Variants in PDE10A observed in about 807,000 individuals in gnomAD.
PDE10A encodes cAMP and cAMP-inhibited cGMP 3',5'-cyclic phosphodiesterase 10A.
In PDE10A, 39 loss-of-function variants were observed where a neutral mutation model predicts 97.7. That is an observed-to-expected ratio of 0.40 (90% CI 0.31 to 0.52). The LOEUF is 0.52. Among genes scored for constraint, PDE10A ranks in the 20% least tolerant of loss-of-function variants. The probability of loss-of-function intolerance (pLI) is 0.56; values close to 1 mark genes in which losing one functional copy is unlikely to be tolerated. For missense variants in PDE10A, 731 were observed against 1,047.8 expected, an observed-to-expected ratio of 0.70 and a Z score of 4.17; for synonymous variants, 371 against 376.8, an observed-to-expected ratio of 0.98 and a Z score of 0.18.
At chr6:165,886,008 A>G (rs1000209709) in intron 1 of PDE10A, among the ~76,000 whole-genome samples, 1 of 152,242 alleles carries the variant, frequency 6.6e-6, no homozygotes, top group Non-Finnish European at 1.5e-5. Flanking sequence ...AATATTGTCT[A>G]TCATAAGTTG....
chr6:165,541,564 C>T (rs1783439854), intron 2 of PDE10A, among the ~76,000 whole-genome samples: 1 of 152,136 alleles, frequency 6.6e-6, no homozygotes, highest in South Asian at 2.1e-4. Context: ...CCCACAAAGA[C>T]CATATATTCT....
At chr6:165,657,251 G>T (rs1465778481) in intron 1 of PDE10A, among the ~76,000 whole-genome samples, 6 of 152,212 alleles carry the variant, frequency 3.9e-5, no homozygotes, top group African/African-American at 1.4e-4. Flanking sequence ...AAGAACACAA[G>T]AGTACTGGAT....
At chr6:165,840,477 T>C (rs1304630322) in intron 1 of PDE10A, among the ~76,000 whole-genome samples, 1 of 152,178 alleles carries the variant, frequency 6.6e-6, no homozygotes, top group African/African-American at 2.4e-5. Flanking sequence ...GTCATTACCA[T>C]ATAAGAAAAA....
At chr6:165,351,497 T>A (rs971330580) in intron 18 of PDE10A, among the ~76,000 whole-genome samples, 1 of 152,216 alleles carries the variant, frequency 6.6e-6, no homozygotes, top group Non-Finnish European at 1.5e-5. Flanking sequence ...GACCACATGA[T>A]ACAACCTATA....
chr6:165,642,300 G>C (rs1366324346), intron 1 of PDE10A, among the ~76,000 whole-genome samples: 3 of 152,172 alleles, frequency 2.0e-5, no homozygotes, highest in African/African-American at 7.2e-5. Context: ...TATGTGTCTA[G>C]CATGATACGT....
intron 3 of PDE10A, among the ~76,000 whole-genome samples, chr6:165,463,837 C>T (rs906533089): frequency 1.3e-5 from 2 of 152,218 alleles, no homozygotes; most frequent in African/African-American, 4.8e-5. Context: ...GGGCGGAAAA[C>T]CACTTAAAGG....
In PDE10A at chr6:165,513,803, G is replaced by A. The variant is rs569028647; in HGVS notation, c.994+29637C>T. Among the ~76,000 whole-genome samples the A allele has an allele frequency of 3.9e-5, 6 of 151,982 alleles. No individual in the cohort carries two copies. In the East Asian group the frequency reaches 1.2e-3, roughly 29 times the overall value. On this transcript the variant is annotated intron_variant, in intron 2 of 21. Transcript: ENST00000539869. ...TGTGAATTTTAATTTCTTTCAGATT[G>A]TTCATTTTTATGTAGAAATACTACT...
At chr6:165,838,680 C>T (rs1780132367) in intron 1 of PDE10A, among the ~76,000 whole-genome samples, 1 of 152,184 alleles carries the variant, frequency 6.6e-6, no homozygotes. Context: ...TTTAGAAGAC[C>T]TGAGCTCTAA....
chr6:165,963,919 C>T (rs1033333240), intron 1 of PDE10A, among the ~76,000 whole-genome samples: 5 of 152,154 alleles, frequency 3.3e-5, no homozygotes, highest in African/African-American at 7.2e-5. Flanking sequence ...TGCACCTTAT[C>T]GAGGTTTGAA....
Position 165,707,707 on chromosome 6 carries a change from CTG to C in PDE10A, c.-614-164141_-614-164140del, listed in dbSNP as rs35671352. ...TGAGCATGTGTGTGAGTGTGTGAGACTGTGCGTGTGTGTATGAGTGTATGTGT... is the reference window on the plus strand; with the variant it reads ...TGAGCATGTGTGTGAGTGTGTGAGACTGCGTGTGTGTATGAGTGTATGTGT... On this transcript the variant is annotated intron_variant, in intron 1 of 19. Transcript: ENST00000366882. Among the ~76,000 whole-genome samples the C allele has an allele frequency of 1.9e-3, 288 of 151,478 alleles. 1 individual carries two copies. The highest frequency in any genetic ancestry group is 3.4e-3 in the Middle Eastern group (1 of 294).
Position 165,828,543 on chromosome 6 carries a change from CTG to C in PDE10A, c.-615+158984_-615+158985del, listed in dbSNP as rs374163952. Among the ~76,000 whole-genome samples, 598 of 152,302 alleles carry C rather than the reference CTG, an allele frequency of 3.9e-3. 4 individuals carry two copies. Among genetic ancestry groups the C allele is most frequent in the African/African-American group, 0.014 (577 of 41,558 alleles). ...ATGTGTACTCACATATGTGCATTAACTGGGAACAGGAGATGTTAGTATTCCCA... is the reference window on the plus strand; with the variant it reads ...ATGTGTACTCACATATGTGCATTAACGGAACAGGAGATGTTAGTATTCCCA... On this transcript the variant is annotated intron_variant, in intron 1 of 19. Transcript: ENST00000366882.
At chr6:165,432,891 G>C (rs1789700813) in intron 7 of PDE10A, 83 bp downstream of exon 7, 1 of 916,224 alleles carries the variant, frequency 1.1e-6, no homozygotes, top group Non-Finnish European at 1.7e-6. Flanking sequence ...TTTCAGTTTA[G>C]TATTACTTAG....
At chr6:165,469,943 T>C (rs1161456830) in intron 3 of PDE10A, among the ~76,000 whole-genome samples, 1 of 152,204 alleles carries the variant, frequency 6.6e-6, no homozygotes, top group Non-Finnish European at 1.5e-5. Context: ...ACAGGCTTTC[T>C]GTCCACTCCT....
At chr6:165,767,404 G>C (rs9459505) in intron 1 of PDE10A, among the ~76,000 whole-genome samples, 15,906 of 152,062 alleles carry the variant, frequency 0.1, 1,046 homozygotes, top group South Asian at 0.2. Flanking sequence ...TTCATAACCC[G>C]CAAGGGGAAC....
chr6:165,450,026 C>T (rs902747728), intron 4 of PDE10A, among the ~76,000 whole-genome samples: 1 of 152,168 alleles, frequency 6.6e-6, no homozygotes, highest in African/African-American at 2.4e-5. Flanking sequence ...CTGTATATAT[C>T]AGGCAGATAC....
intron 1 of PDE10A, among the ~76,000 whole-genome samples, chr6:165,908,020 A>C (rs1782346684): frequency 1.3e-5 from 2 of 152,250 alleles, no homozygotes; most frequent in Non-Finnish European, 2.9e-5. Flanking sequence ...GTCGTTCTGG[A>C]GTCAAGTCAG....
intron 1 of PDE10A, chr6:165,545,180 T>G (rs776712076): frequency 2.0e-6 from 1 of 507,558 alleles, no homozygotes; most frequent in South Asian, 1.4e-5. Flanking sequence ...GGCTATAGAA[T>G]TCTTATCCTA....
chr6:165,411,267 A>T (rs1787803144), intron 13 of PDE10A, among the ~76,000 whole-genome samples: 1 of 151,896 alleles, frequency 6.6e-6, no homozygotes, highest in Non-Finnish European at 1.5e-5. Context: ...GGCCCCCTTA[A>T]AATTCATGTA....
At chr6:165,443,970 G>C (rs1790658354) in intron 5 of PDE10A, among the ~76,000 whole-genome samples, 1 of 152,194 alleles carries the variant, frequency 6.6e-6, no homozygotes. Context: ...TCTGCAGCCA[G>C]TGGCTTGAAT....
Sources: gnomAD v4.1 joint callset for allele counts (sites outside exome capture counted in the v4.1 genomes callset) on GRCh38, gnomAD v4.1.1 for gene constraint, MANE v1.5 for transcripts, NCBI Gene and HGNC (gene_info 2026-07-23, HGNC 2026-07-21) for gene names.